The following DNAH11 variants were observed in gnomAD, a reference collection of about 807,000 sequenced individuals.
The protein encoded by DNAH11 is dynein axonemal heavy chain 11, also known as axonemal beta dynein heavy chain 11.
Under a neutral mutation model 526.0 loss-of-function variants are expected in DNAH11, and 442 were observed. That is an observed-to-expected ratio of 0.84 (90% CI 0.78 to 0.91). The LOEUF is 0.91. Among genes scored for constraint, DNAH11 ranks in the 40% least tolerant of loss-of-function variants. The probability of loss-of-function intolerance (pLI) is 0.00; values close to 1 mark genes in which losing one functional copy is unlikely to be tolerated. For synonymous variants in DNAH11, 2,461 were observed against 1,935.9 expected (o/e 1.27, Z -7.12); for missense variants, 6,989 against 5,448.7 (o/e 1.28, Z -8.90).
At chr7:21,549,098 C>T (rs1309267559) in intron 2 of DNAH11, among the ~76,000 whole-genome samples, 1 of 152,078 alleles carries the variant, frequency 6.6e-6, no homozygotes, top group Non-Finnish European at 1.5e-5. Context: ...AGGCTGGTCT[C>T]GAACTCCTGA....
intron 30 of DNAH11, among the ~76,000 whole-genome samples, chr7:21,664,631 GT>G (rs1279426743): frequency 6.6e-6 from 1 of 151,768 alleles, no homozygotes; most frequent in Non-Finnish European, 1.5e-5. Flanking sequence ...ACTAATTTTT[GT>G]TTTTTTCTTA....
chr7:21,678,184 T>A (rs1256583556), intron 30 of DNAH11, among the ~76,000 whole-genome samples: 1 of 151,874 alleles, frequency 6.6e-6, no homozygotes, highest in Non-Finnish European at 1.5e-5. Flanking sequence ...TTTTTTTTTT[T>A]AAGGAATTTT....
chr7:21,771,600 A>G (rs1021763867), intron 55 of DNAH11, among the ~76,000 whole-genome samples: 1 of 152,182 alleles, frequency 6.6e-6, no homozygotes, highest in Non-Finnish European at 1.5e-5. Flanking sequence ...TTTCCAGAGC[A>G]TCTTAGTGGG....
At chr7:21,850,131 C>T (rs552147811) in intron 66 of DNAH11, among the ~76,000 whole-genome samples, 36 of 151,700 alleles carry the variant, frequency 2.4e-4, no homozygotes, top group African/African-American at 5.3e-4. Flanking sequence ...CCAAGGCAGG[C>T]GGATCACAAG....
rs770558724 is a variant in DNAH11 at position 21,773,836 on chromosome 7, G to C, written c.9173G>C (p.Arg3058Thr). Reference sequence around the variant, plus strand: ...ACCACTGTAAATGAAATGAGTACCAGATATTACCAGAATGAGAGAAGACAC... The same window carrying C: ...ACCACTGTAAATGAAATGAGTACCACATATTACCAGAATGAGAGAAGACAC... ...VHTTVNEMST[R>T]YYQNERRHNY... Residue 3058 changes from arginine (R) to threonine (T), a missense_variant, in exon 56 of 82, where the codon AGA (arginine) becomes ACA (threonine). Physicochemically the swap from Arg to Thr is moderately conservative, Grantham distance 71. Coordinates refer to ENST00000409508, the MANE Select transcript of DNAH11 (RefSeq NM_001277115.2). 4 of 1,608,796 alleles carry C rather than the reference G, an allele frequency of 2.5e-6. No individual in the cohort carries two copies. Among genetic ancestry groups the C allele is most frequent in the Middle Eastern group, 1.7e-4 (1 of 6,052 alleles).
In DNAH11 at chr7:21,705,462, T is replaced by G. The variant is rs556335619; in HGVS notation, c.6471T>G (p.Val2157=). ...LQPEESFILK[V]VQLEELLAVR... is the part of the protein sequence containing the mutation. ...GCAACCAGCTGTTTGCTCTGCAGGTTGTCCAGCTTGAGGAACTGTTGGCTG... is the reference window on the plus strand; with the variant it reads ...GCAACCAGCTGTTTGCTCTGCAGGTGGTCCAGCTTGAGGAACTGTTGGCTG... Residue 2157 remains valine, a splice_region_variant and synonymous_variant, in exon 39 of 82, where the codon GTT becomes GTG. Coordinates refer to ENST00000409508, the MANE Select transcript of DNAH11 (RefSeq NM_001277115.2). 1 of 1,613,702 alleles carries G rather than the reference T, an allele frequency of 6.2e-7. No homozygotes were observed. The highest frequency in any genetic ancestry group is 1.7e-5 in the Admixed American group (1 of 59,992).
At chr7:21,614,930 A>C (rs541035541) in intron 20 of DNAH11, among the ~76,000 whole-genome samples, 184 bp from the exon 21 acceptor site, 2 of 152,160 alleles carry the variant, frequency 1.3e-5, no homozygotes, top group Non-Finnish European at 2.9e-5. Context: ...ATCTGTTCTC[A>C]CTTTTTGTGC....
chr7:21,853,327 A>C (rs1782714042), intron 67 of DNAH11, among the ~76,000 whole-genome samples: 1 of 152,222 alleles, frequency 6.6e-6, no homozygotes, highest in South Asian at 2.1e-4. Flanking sequence ...TTAATTACCC[A>C]GCAGAAGCTG....
intron 65 of DNAH11, among the ~76,000 whole-genome samples, chr7:21,819,472 A>G (rs530057387): frequency 2.6e-5 from 4 of 152,280 alleles, no homozygotes; most frequent in South Asian, 4.1e-4. Context: ...ACAAACTGCA[A>G]CTCTTAACAT....
intron 61 of DNAH11, among the ~76,000 whole-genome samples, chr7:21,800,351 G>A (rs1203119769): frequency 6.6e-6 from 1 of 152,312 alleles, no homozygotes; most frequent in South Asian, 2.1e-4. Context: ...AAAAATATGG[G>A]TCAGGCACAG....
intron 2 of DNAH11, among the ~76,000 whole-genome samples, chr7:21,552,150 C>T (rs1299727395): frequency 6.6e-6 from 1 of 152,168 alleles, no homozygotes; most frequent in Non-Finnish European, 1.5e-5. Flanking sequence ...GCGCCCTGGT[C>T]CATTGTCACA....
chr7:21,556,310 C>T (rs570477362), intron 2 of DNAH11, among the ~76,000 whole-genome samples: 1 of 152,186 alleles, frequency 6.6e-6, no homozygotes, highest in Non-Finnish European at 1.5e-5. Flanking sequence ...TTTAGATTTA[C>T]TATGCCTCAA....
chr7:21,651,190 AGGCAGGAGT>A (rs898165766), intron 28 of DNAH11, among the ~76,000 whole-genome samples: 1 of 152,164 alleles, frequency 6.6e-6, no homozygotes, highest in African/African-American at 2.4e-5. Flanking sequence ...GGTGCTCACC[AGGCAGGAGT>A]GGCACTAGGC....
At chr7:21,824,034 T>G (rs1016578945) in intron 65 of DNAH11, among the ~76,000 whole-genome samples, 2 of 144,188 alleles carry the variant, frequency 1.4e-5, no homozygotes, top group East Asian at 3.9e-4. Context: ...ACCTTCCGTT[T>G]AAGGGTAAAT....
intron 63 of DNAH11, among the ~76,000 whole-genome samples, chr7:21,811,469 T>C (rs997050928): frequency 2.2e-4 from 31 of 141,216 alleles, no homozygotes; most frequent in Non-Finnish European, 4.3e-4. Context: ...AAAAAAAAAA[T>C]TAAGCCAAAA....
intron 42 of DNAH11, among the ~76,000 whole-genome samples, chr7:21,713,429 G>A (rs1784535526): frequency 1.3e-5 from 2 of 152,136 alleles, no homozygotes; most frequent in Non-Finnish European, 2.9e-5. Context: ...ATGTCAGGAT[G>A]GCTCTGTCCC....
chr7:21,682,683 A>G (rs1189502823), intron 31 of DNAH11, among the ~76,000 whole-genome samples: 2 of 152,180 alleles, frequency 1.3e-5, no homozygotes, highest in Non-Finnish European at 2.9e-5. Context: ...GTTTGGTAGT[A>G]TTAAAACAAG....
At chr7:21,634,800 C>G (rs1786778325) in intron 25 of DNAH11, among the ~76,000 whole-genome samples, 1 of 151,850 alleles carries the variant, frequency 6.6e-6, no homozygotes, top group East Asian at 1.9e-4. Flanking sequence ...GCATATGTAC[C>G]CCCCCGAACC....
Position 21,894,937 on chromosome 7 carries a change from T to C in DNAH11, c.12987T>C (p.Tyr4329=), listed in dbSNP as rs773550340. 1 of 1,614,034 alleles carries C rather than the reference T, an allele frequency of 6.2e-7. No individual in the cohort carries two copies. The change falls in exon 79 of 82, where the codon TAT becomes TAC. Residue 4329 remains tyrosine, a synonymous_variant. Transcript: ENST00000409508. Reference sequence around the variant, plus strand: ...AAGCCCAGCAGTTTGCATTGAGTTATGACACGGTACCAGACACTTGGAGCA... The same window carrying C: ...AAGCCCAGCAGTTTGCATTGAGTTACGACACGGTACCAGACACTTGGAGCA... The part of the protein sequence containing the change: ...AVEAQQFALS[Y]DTVPDTWSKL...
Sources: gnomAD v4.1 joint callset for allele counts (sites outside exome capture counted in the v4.1 genomes callset) on GRCh38, gnomAD v4.1.1 for gene constraint, MANE v1.5 for transcripts, NCBI Gene and HGNC (gene_info 2026-07-23, HGNC 2026-07-21) for gene names.